DAB1: variants seen among roughly 807,000 people sequenced by gnomAD.
DAB1 encodes the protein DAB adaptor protein 1.
In DAB1, 15 loss-of-function variants were observed where a neutral mutation model predicts 64.6. That is an observed-to-expected ratio of 0.23 (90% confidence interval 0.16 to 0.36). The LOEUF (loss-of-function observed/expected upper bound fraction) is 0.36. Among genes scored for constraint, DAB1 ranks in the 10% least tolerant of loss-of-function variants. DAB1 has a pLI of 1.00. For missense variants in DAB1, 596 were observed against 706.7 expected (o/e 0.84, Z 1.78); for synonymous variants, 235 against 251.9 (o/e 0.93, Z 0.64).
chr1:57,941,601 C>A (rs1645105702), intron 5 of DAB1, among the ~76,000 whole-genome samples: 1 of 152,154 alleles, frequency 6.6e-6, no homozygotes, highest in Admixed American at 6.6e-5. Context: ...CTTTGGGAGG[C>A]CAAGGCGGGC....
chr1:57,617,251 T>C (rs1042480492), intron 7 of DAB1, among the ~76,000 whole-genome samples: 2 of 151,964 alleles, frequency 1.3e-5, no homozygotes, highest in African/African-American at 4.8e-5. Context: ...ACCATTCCCA[T>C]CCCCACATCC....
intron 7 of DAB1, among the ~76,000 whole-genome samples, chr1:57,452,166 C>CCCTTTTT (rs367685387): frequency 1.3e-5 from 1 of 75,010 alleles, no homozygotes; most frequent in African/African-American, 6.1e-5. Flanking sequence ...TGCACCCCCC[C>CCCTTTTT]TTTTTTTTTT....
At chr1:57,400,867 AG>A (rs1683186320) in intron 1 of DAB1, among the ~76,000 whole-genome samples, 1 of 152,100 alleles carries the variant, frequency 6.6e-6, no homozygotes, top group Admixed American at 6.6e-5. Context: ...AATTTTCTAG[AG>A]GACAGCACAA....
chr1:58,479,823 T>A (rs964544464), intron 3 of DAB1, among the ~76,000 whole-genome samples: 2 of 152,200 alleles, frequency 1.3e-5, no homozygotes, highest in Non-Finnish European at 1.5e-5. Context: ...GGATATATTA[T>A]GTAACTTCTC....
At chr1:58,060,110 T>C (rs34678610) in intron 5 of DAB1, 31,580 of 152,964 alleles carry the variant, frequency 0.21, 3,680 homozygotes, top group East Asian at 0.31. Context: ...AGAGGCTGGC[T>C]TCTGTGTGGG....
At chr1:58,492,291 A>C (rs1645709964) in intron 3 of DAB1, among the ~76,000 whole-genome samples, 1 of 152,204 alleles carries the variant, frequency 6.6e-6, no homozygotes, top group South Asian at 2.1e-4. Context: ...TTATAGCACT[A>C]AATGCTCACA....
At chr1:57,423,064 A>G (rs1483436135) in intron 1 of DAB1, among the ~76,000 whole-genome samples, 1 of 141,254 alleles carries the variant, frequency 7.1e-6, no homozygotes, top group Non-Finnish European at 1.5e-5. Flanking sequence ...CCCATCTCGG[A>G]CTCCCTGCCT....
upstream of DAB1, among the ~76,000 whole-genome samples, chr1:57,426,859 A>AATATATATATATATATAT (rs998763894): frequency 9.8e-5 from 12 of 122,792 alleles, no homozygotes; most frequent in Non-Finnish European, 1.7e-4. Flanking sequence ...TAAATGAGAT[A>AATATATATATATATATAT]ATATATATAT....
chr1:57,344,882 G>A (rs1174299353), intron 1 of DAB1, among the ~76,000 whole-genome samples: 1 of 152,116 alleles, frequency 6.6e-6, no homozygotes, highest in African/African-American at 2.4e-5. Flanking sequence ...TAAGCTTTGG[G>A]AGGATTTCAC....
intron 5 of DAB1, among the ~76,000 whole-genome samples, chr1:58,076,653 TCA>T (rs1649667864): frequency 6.6e-6 from 1 of 152,224 alleles, no homozygotes; most frequent in East Asian, 1.9e-4. Context: ...CCAAGTCTTC[TCA>T]TTCTAAATCT....
intron 6 of DAB1, among the ~76,000 whole-genome samples, chr1:57,717,247 GAATA>G: frequency 6.9e-6 from 1 of 144,916 alleles, no homozygotes; most frequent in Non-Finnish European, 1.5e-5. Flanking sequence ...AAATTTAAAA[GAATA>G]AATAAAAATA....
chr1:57,502,117 G>A (rs1558439850), intron 7 of DAB1, among the ~76,000 whole-genome samples: 4 of 151,930 alleles, frequency 2.6e-5, no homozygotes, highest in Admixed American at 6.6e-5. Flanking sequence ...TCAGGAGATC[G>A]AGACCATCCT....
chr1:57,486,527 T>A (rs1644094032), intron 7 of DAB1, among the ~76,000 whole-genome samples: 1 of 152,228 alleles, frequency 6.6e-6, no homozygotes, highest in Admixed American at 6.5e-5. Flanking sequence ...CTTCCCGGAA[T>A]GGTAGTAAAT....
At chr1:57,791,966 T>C (rs901216359) in intron 6 of DAB1, among the ~76,000 whole-genome samples, 2 of 152,234 alleles carry the variant, frequency 1.3e-5, no homozygotes, top group Non-Finnish European at 2.9e-5. Flanking sequence ...TGCTCTCTTC[T>C]AGCATTCATT....
At chr1:58,463,578 T>A (rs1645264664) in intron 3 of DAB1, among the ~76,000 whole-genome samples, 1 of 152,252 alleles carries the variant, frequency 6.6e-6, no homozygotes, top group African/African-American at 2.4e-5. Flanking sequence ...ACCCACATAC[T>A]GAGTCTCATA....
intron 4 of DAB1, among the ~76,000 whole-genome samples, chr1:58,296,669 C>T (rs920150292): frequency 2.6e-5 from 4 of 152,186 alleles, no homozygotes; most frequent in Admixed American, 2.6e-4. Context: ...CTCATTTCTT[C>T]TCTATGCCTC....
chr1:58,000,583 T>C (rs1646492399), intron 5 of DAB1, among the ~76,000 whole-genome samples: 1 of 146,402 alleles, frequency 6.8e-6, no homozygotes. Flanking sequence ...TTTTTTTTTT[T>C]TTTTTGAGAC....
At chr1:58,233,740 C>T (rs1351008452) in intron 4 of DAB1, among the ~76,000 whole-genome samples, 1 of 152,120 alleles carries the variant, frequency 6.6e-6, no homozygotes, top group South Asian at 2.1e-4. Context: ...TCTGATCTTC[C>T]CTTCAAGCTA....
intron 2 of DAB1, among the ~76,000 whole-genome samples, chr1:57,185,341 T>C (rs1220067868): frequency 6.6e-6 from 1 of 152,144 alleles, no homozygotes; most frequent in African/African-American, 2.4e-5. Context: ...AACAAGTTGG[T>C]AATGGTGGCA....
Sources: allele counts gnomAD v4.1 joint callset (sites outside exome capture counted in the v4.1 genomes callset), GRCh38; gene constraint gnomAD v4.1.1; transcripts MANE v1.5; gene names NCBI Gene and HGNC (gene_info 2026-07-23, HGNC 2026-07-21).